The following ARHGAP15 variants were observed in gnomAD, a reference collection of about 807,000 sequenced individuals.
ARHGAP15 encodes rho GTPase-activating protein 15.
ARHGAP15 carries 51 observed loss-of-function variants against 63.7 expected under a neutral mutation model. The observed-to-expected ratio is 0.80, with a 90% CI of 0.64 to 1.01. ARHGAP15 has a LOEUF of 1.01. Ranked by LOEUF, ARHGAP15 falls within the 50% of genes least tolerant of loss-of-function variation. The pLI is 0.00. For missense variants in ARHGAP15, 560 were observed against 564.6 expected (o/e 0.99, Z 0.08); for synonymous variants, 191 against 193.8 (o/e 0.99, Z 0.12).
At chr2:143,260,899 A>G (rs1177811237) in intron 6 of ARHGAP15, among the ~76,000 whole-genome samples, 1 of 152,168 alleles carries the variant, frequency 6.6e-6, no homozygotes, top group Non-Finnish European at 1.5e-5. Flanking sequence ...ATGAACAACA[A>G]CAACAATAAA....
chr2:143,155,082 A>G (rs1339536273), intron 1 of ARHGAP15, among the ~76,000 whole-genome samples: 1 of 151,896 alleles, frequency 6.6e-6, no homozygotes, highest in Non-Finnish European at 1.5e-5. Flanking sequence ...TGCTGATGGT[A>G]GCATGTAGGG....
At chr2:143,250,097 T>C (rs1680075325) in intron 5 of ARHGAP15, among the ~76,000 whole-genome samples, 1 of 152,084 alleles carries the variant, frequency 6.6e-6, no homozygotes, top group Non-Finnish European at 1.5e-5. Context: ...TGCACTATGA[T>C]TTATCAATTT....
At chr2:143,730,248 G>T (rs1018899766) in intron 13 of ARHGAP15, among the ~76,000 whole-genome samples, 10 of 152,174 alleles carry the variant, frequency 6.6e-5, no homozygotes, top group African/African-American at 2.2e-4. Context: ...CCTGTGCTTG[G>T]TGCCAGCCAC....
intron 10 of ARHGAP15, among the ~76,000 whole-genome samples, chr2:143,548,621 T>C (rs894854693): frequency 1.6e-4 from 24 of 152,114 alleles, no homozygotes; most frequent in African/African-American, 5.5e-4. Flanking sequence ...AAAATTCTTA[T>C]TTTCCATATG....
At chr2:143,364,262 T>C (rs766018636) in intron 6 of ARHGAP15, among the ~76,000 whole-genome samples, 16 of 152,112 alleles carry the variant, frequency 1.1e-4, no homozygotes, top group Non-Finnish European at 1.5e-4. Context: ...ATCATCTGAA[T>C]AATATTGTAG....
At chr2:143,639,254 T>A (rs1191917204) in intron 12 of ARHGAP15, among the ~76,000 whole-genome samples, 1 of 152,116 alleles carries the variant, frequency 6.6e-6, no homozygotes, top group Non-Finnish European at 1.5e-5. Context: ...TTTTCTCTGC[T>A]CATACACGTA....
chr2:143,541,437 G>A (rs1283049044), intron 10 of ARHGAP15, among the ~76,000 whole-genome samples: 1 of 152,144 alleles, frequency 6.6e-6, no homozygotes, highest in East Asian at 1.9e-4. Context: ...CGTTCCTTTG[G>A]AGGAGGAGAG....
chr2:143,728,887 T>C (rs1453838139), intron 13 of ARHGAP15, among the ~76,000 whole-genome samples: 1 of 152,202 alleles, frequency 6.6e-6, no homozygotes, highest in African/African-American at 2.4e-5. Flanking sequence ...CATTTCCAAA[T>C]GCTTGAAAAA....
At chr2:143,183,602 G>A (rs1427891378) in intron 2 of ARHGAP15, among the ~76,000 whole-genome samples, 1 of 152,088 alleles carries the variant, frequency 6.6e-6, no homozygotes, top group Non-Finnish European at 1.5e-5. Flanking sequence ...GAATAAAAGT[G>A]TAGAACAGCC....
At chr2:143,617,950 G>A (rs1471296349) in intron 11 of ARHGAP15, among the ~76,000 whole-genome samples, 1 of 152,194 alleles carries the variant, frequency 6.6e-6, no homozygotes, top group African/African-American at 2.4e-5. Context: ...AAACAATTAA[G>A]TGAACAAACA....
chr2:143,495,690 A>T (rs1692783899), intron 9 of ARHGAP15, among the ~76,000 whole-genome samples: 1 of 146,922 alleles, frequency 6.8e-6, no homozygotes, highest in Non-Finnish European at 1.5e-5. Flanking sequence ...AGTCATGTTT[A>T]TGAATAGCAA....
At chr2:143,522,527 T>C (rs1694099010) in intron 10 of ARHGAP15, among the ~76,000 whole-genome samples, 1 of 152,168 alleles carries the variant, frequency 6.6e-6, no homozygotes, top group South Asian at 2.1e-4. Flanking sequence ...ATATCCTGGG[T>C]ACAATGACCA....
intron 5 of ARHGAP15, among the ~76,000 whole-genome samples, chr2:143,245,718 C>T (rs1185747139): frequency 6.6e-6 from 1 of 151,434 alleles, no homozygotes; most frequent in Non-Finnish European, 1.5e-5. Context: ...AATTCTTATT[C>T]TTGGACAACT....
intron 11 of ARHGAP15, among the ~76,000 whole-genome samples, chr2:143,621,109 T>C (rs1698631596): frequency 6.6e-6 from 1 of 152,120 alleles, no homozygotes; most frequent in African/African-American, 2.4e-5. Flanking sequence ...CTAGACACAA[T>C]TTTTATCATC....
chr2:143,434,988 G>A (rs1188790644), intron 6 of ARHGAP15, among the ~76,000 whole-genome samples: 1 of 152,118 alleles, frequency 6.6e-6, no homozygotes, highest in African/African-American at 2.4e-5. Context: ...TCCCAGAGAG[G>A]TTCAAATATG....
intron 13 of ARHGAP15, 79 bp from the exon 14 acceptor site, chr2:143,767,910 C>G: frequency 7.4e-7 from 1 of 1,346,992 alleles, no homozygotes; most frequent in Non-Finnish European, 1.0e-6. Flanking sequence ...GAATGAGAAA[C>G]CTTTTTTAAT....
chr2:143,418,247 A>G (rs1688769978), intron 6 of ARHGAP15, among the ~76,000 whole-genome samples: 1 of 152,144 alleles, frequency 6.6e-6, no homozygotes, highest in Admixed American at 6.5e-5. Flanking sequence ...TGTGATAGAA[A>G]AATTCTCCCC....
chr2:143,538,233 T>A (rs1248582719), intron 10 of ARHGAP15, among the ~76,000 whole-genome samples: 2 of 152,206 alleles, frequency 1.3e-5, no homozygotes, highest in African/African-American at 4.8e-5. Context: ...TGATTTTGTA[T>A]CCTGAGACTT....
At chr2:143,367,911 A>C (rs1686366150) in intron 6 of ARHGAP15, among the ~76,000 whole-genome samples, 1 of 152,090 alleles carries the variant, frequency 6.6e-6, no homozygotes, top group Non-Finnish European at 1.5e-5. Context: ...TTTACAAATT[A>C]AAAGAACTAC....
Sources: allele counts gnomAD v4.1 joint callset (sites outside exome capture counted in the v4.1 genomes callset), GRCh38; gene constraint gnomAD v4.1.1; transcripts MANE v1.5; gene names NCBI Gene and HGNC (gene_info 2026-07-23, HGNC 2026-07-21).